The following OPCML variants were observed in gnomAD, a reference collection of about 807,000 sequenced individuals.
OPCML encodes the protein opioid binding protein/cell adhesion molecule like.
Under a neutral mutation model 37.8 loss-of-function variants are expected in OPCML, and 13 were observed. The observed-to-expected ratio is 0.34, with a 90% CI of 0.22 to 0.55. The LOEUF is 0.55. Ranked by LOEUF, OPCML falls within the 20% of genes least tolerant of loss-of-function variation. The probability of loss-of-function intolerance (pLI) is 0.91; values close to 1 mark genes in which losing one functional copy is unlikely to be tolerated. For missense variants in OPCML, 341 were observed against 435.6 expected (o/e 0.78, Z 1.93); for synonymous variants, 176 against 168.8 (o/e 1.04, Z -0.33).
chr11:132,697,456 A>G (rs1191263221), intron 2 of OPCML, among the ~76,000 whole-genome samples: 1 of 152,180 alleles, frequency 6.6e-6, no homozygotes, highest in East Asian at 1.9e-4. Context: ...CCAGTCCCTG[A>G]CAATCACCAT....
chr11:133,090,937 C>T (rs1407278031), intron 1 of OPCML, among the ~76,000 whole-genome samples: 2 of 152,136 alleles, frequency 1.3e-5, no homozygotes, highest in Non-Finnish European at 2.9e-5. Flanking sequence ...GAAACAATGA[C>T]CCAGAGGGCA....
At chr11:133,147,284 A>G (rs1465050174) in intron 1 of OPCML, among the ~76,000 whole-genome samples, 3 of 152,186 alleles carry the variant, frequency 2.0e-5, no homozygotes, top group African/African-American at 7.2e-5. Flanking sequence ...GGGGAGAGGC[A>G]GGTAAAAGAA....
At chr11:132,555,120 GA>G (rs1362833177) in intron 3 of OPCML, among the ~76,000 whole-genome samples, 1 of 152,014 alleles carries the variant, frequency 6.6e-6, no homozygotes, top group Non-Finnish European at 1.5e-5. Flanking sequence ...AACCACAAGG[GA>G]AAATCATGTC....
At chr11:133,373,464 A>AC (rs1565599736) in intron 1 of OPCML, among the ~76,000 whole-genome samples, 26 of 121,086 alleles carry the variant, frequency 2.1e-4, no homozygotes, top group African/African-American at 7.8e-4. Flanking sequence ...CACACACACA[A>AC]AAATACAAAA....
chr11:133,144,558 C>G (rs7480364), intron 1 of OPCML, among the ~76,000 whole-genome samples: 2 of 152,186 alleles, frequency 1.3e-5, no homozygotes, highest in Admixed American at 1.3e-4. Context: ...GCTGTGCTTT[C>G]GGCACATGGG....
intron 1 of OPCML, among the ~76,000 whole-genome samples, chr11:133,304,220 A>ATTCACACTACACAAACGTCTGC (rs1354628577): frequency 1.3e-5 from 2 of 152,346 alleles, no homozygotes; most frequent in East Asian, 3.9e-4. Context: ...CTGCTGGGAC[A>ATTCACACTACACAAACGTCTGC]TGAAGCTTAC....
At chr11:133,152,560 T>C (rs1384133411) in intron 1 of OPCML, among the ~76,000 whole-genome samples, 3 of 121,440 alleles carry the variant, frequency 2.5e-5, no homozygotes, top group Non-Finnish European at 5.0e-5. Context: ...GGTAACCCCT[T>C]CCCTCCTGAT....
At chr11:132,756,640 T>C (rs973065863) in intron 2 of OPCML, among the ~76,000 whole-genome samples, 2 of 152,198 alleles carry the variant, frequency 1.3e-5, no homozygotes, top group African/African-American at 4.8e-5. Flanking sequence ...TTATGGCTCA[T>C]GTAGAAATCA....
chr11:133,446,770 T>C (rs999256230), intron 1 of OPCML, among the ~76,000 whole-genome samples: 1 of 152,236 alleles, frequency 6.6e-6, no homozygotes, highest in African/African-American at 2.4e-5. Context: ...TTTCTGGACA[T>C]TTCATAAAAA....
intron 1 of OPCML, among the ~76,000 whole-genome samples, chr11:132,983,311 C>G (rs192667294): frequency 1.3e-5 from 2 of 152,378 alleles, no homozygotes; most frequent in Admixed American, 6.5e-5. Context: ...GTAAATGCCT[C>G]TGGGATTGGT....
chr11:132,678,611 C>T (rs1942810523), intron 2 of OPCML, among the ~76,000 whole-genome samples: 1 of 152,036 alleles, frequency 6.6e-6, no homozygotes, highest in African/African-American at 2.4e-5. Context: ...ATGCATATTA[C>T]TAAGTAAAAT....
rs144913423 is a variant in OPCML, at chr11:133,525,002, T to C, written c.61+7262A>G. Reference sequence around the variant, plus strand: ...ACAAATACTGTTTGAGCACTTGCTCTCTCCCACCCGTGCTAGGCACTGAGA... The same window carrying C: ...ACAAATACTGTTTGAGCACTTGCTCCCTCCCACCCGTGCTAGGCACTGAGA... On this transcript the variant is annotated intron_variant, in intron 1 of 7. Transcript: ENST00000524381. Among the ~76,000 whole-genome samples, 408 of 152,316 alleles carry C rather than the reference T, an allele frequency of 2.7e-3. 1 individual carries two copies. The highest frequency in any genetic ancestry group is 9.4e-3 in the African/African-American group (390 of 41,554).
At chr11:133,031,907 T>C (rs560077155) in intron 1 of OPCML, among the ~76,000 whole-genome samples, 1 of 152,340 alleles carries the variant, frequency 6.6e-6, no homozygotes, top group South Asian at 2.1e-4. Flanking sequence ...TTAACATTTA[T>C]TGAGTGCCTC....
chr11:132,449,364 G>T (rs181807683), intron 4 of OPCML, among the ~76,000 whole-genome samples: 1 of 152,204 alleles, frequency 6.6e-6, no homozygotes, highest in Admixed American at 6.5e-5. Context: ...CTCCTTGATG[G>T]GTAGACTGGA....
chr11:132,757,255 A>G (rs761917201), intron 2 of OPCML, among the ~76,000 whole-genome samples: 14 of 152,220 alleles, frequency 9.2e-5, no homozygotes, highest in Non-Finnish European at 1.6e-4. Flanking sequence ...GTGCTACAAT[A>G]AACATATGTG....
rs182105705 is a variant in OPCML at position 132,749,971 on chromosome 11, C to G, written c.147-92652G>C. Reference sequence around the variant, plus strand: ...GATCTCAGCTCACTGTAACCTCTGCCTCCAGGGTTCAAGTGATTCTCCTGC... The same window carrying G: ...GATCTCAGCTCACTGTAACCTCTGCGTCCAGGGTTCAAGTGATTCTCCTGC... On this transcript the variant is annotated intron_variant, in intron 2 of 7. Coordinates refer to ENST00000524381, the MANE Select transcript of OPCML (RefSeq NM_001012393.5). Among the ~76,000 whole-genome samples the G allele has an allele frequency of 4.6e-4, 70 of 152,264 alleles. No homozygotes were observed. In the East Asian group the frequency reaches 0.013, roughly 29 times the overall value.
At chr11:132,825,251 C>T (rs375101272) in intron 2 of OPCML, among the ~76,000 whole-genome samples, 1 of 152,110 alleles carries the variant, frequency 6.6e-6, no homozygotes, top group East Asian at 1.9e-4. Context: ...TGGATGAATA[C>T]ATTACTTAGA....
At chr11:132,667,728 A>G (rs547941244) in intron 2 of OPCML, among the ~76,000 whole-genome samples, 2 of 152,306 alleles carry the variant, frequency 1.3e-5, no homozygotes, top group Admixed American at 6.5e-5. Context: ...GTTGAAGGTA[A>G]ATGGAAGAAC....
At chr11:133,403,224 T>C (rs1358602119) in intron 1 of OPCML, among the ~76,000 whole-genome samples, 2 of 152,206 alleles carry the variant, frequency 1.3e-5, no homozygotes, top group African/African-American at 4.8e-5. Flanking sequence ...CCTAACTCAA[T>C]TATTGTAAGG....
Sources: allele counts gnomAD v4.1 joint callset (sites outside exome capture counted in the v4.1 genomes callset), GRCh38; gene constraint gnomAD v4.1.1; transcripts MANE v1.5; gene names NCBI Gene and HGNC (gene_info 2026-07-23, HGNC 2026-07-21).